The following MPP7 variants were observed in gnomAD, a reference collection of about 807,000 sequenced individuals.
The protein encoded by MPP7 is MAGUK p55 scaffold protein 7.
MPP7 carries 60 observed loss-of-function variants against 76.5 expected under a neutral mutation model. The observed-to-expected ratio is 0.78, with a 90% CI of 0.64 to 0.97. The LOEUF is 0.97. Among genes scored for constraint, MPP7 ranks in the 50% least tolerant of loss-of-function variants. The pLI, the probability that MPP7 is intolerant of heterozygous loss-of-function variation, is 0.00. For missense variants in MPP7, 641 were observed against 694.0 expected, an observed-to-expected ratio of 0.92 and a Z score of 0.86; for synonymous variants, 237 against 244.5, an observed-to-expected ratio of 0.97 and a Z score of 0.29.
intron 2 of MPP7, among the ~76,000 whole-genome samples, chr10:28,323,967 T>C (rs188767331): frequency 6.6e-6 from 1 of 151,578 alleles, no homozygotes; most frequent in East Asian, 1.9e-4. Context: ...ACAGAAAAAA[T>C]ATCTGCCTTC....
At chr10:28,184,570 G>A (rs564682586) in intron 3 of MPP7, among the ~76,000 whole-genome samples, 124 of 149,096 alleles carry the variant, frequency 8.3e-4, no homozygotes, top group Non-Finnish European at 1.5e-3. Flanking sequence ...TTATCTGGGC[G>A]TTGTAGGGGC....
chr10:28,163,907 C>T (rs1234174072), intron 3 of MPP7, among the ~76,000 whole-genome samples: 1 of 75,502 alleles, frequency 1.3e-5, no homozygotes, highest in Non-Finnish European at 2.4e-5. Context: ...CTCCAGAGCT[C>T]CATCTCAAAA....
At position 28,058,573 on chromosome 10, in the gene MPP7, G is replaced by T; in HGVS notation, c.1329C>A (p.Asn443Lys). 1 of 1,599,634 alleles carries T rather than the reference G, an allele frequency of 6.3e-7. No homozygotes were observed. Among genetic ancestry groups the T allele is most frequent in the Non-Finnish European group, 8.5e-7 (1 of 1,172,058 alleles). The change falls in exon 15 of 17, where the codon AAC becomes AAA. Residue 443 changes from asparagine (N) to lysine (K), a missense_variant. Physicochemically the swap from Asn to Lys is moderately conservative, Grantham distance 94. Coordinates refer to ENST00000683449, the MANE Select transcript of MPP7 (RefSeq NM_001318170.2). ...CTGAGTCTATACTTGTGCCGTAGTA[G>T]TTGTTTTTATATTCTCCATATTCAA... ...KFIEYGEYKN[N>K]YYGTSIDSVR...
At chr10:28,151,598 C>T (rs1835886246) in intron 3 of MPP7, among the ~76,000 whole-genome samples, 1 of 152,162 alleles carries the variant, frequency 6.6e-6, no homozygotes. Context: ...GCCTGTACTA[C>T]CCACCTAATA....
chr10:28,180,655 T>C (rs561454171), intron 3 of MPP7, among the ~76,000 whole-genome samples: 1 of 152,366 alleles, frequency 6.6e-6, no homozygotes, highest in South Asian at 2.1e-4. Context: ...CTTAGCAGCA[T>C]ATAACAACGA....
chr10:28,225,728 T>C (rs1838666595), intron 2 of MPP7, among the ~76,000 whole-genome samples: 1 of 152,232 alleles, frequency 6.6e-6, no homozygotes, highest in South Asian at 2.1e-4. Flanking sequence ...TGTAAAATGT[T>C]GCGGCATCCA....
chr10:28,128,150 G>A lies in MPP7; in HGVS notation c.448-3059C>T, dbSNP rs540879721. 2.0e-5 allele frequency among the ~76,000 whole-genome samples: 3 copies of A among 152,210 alleles called. No individual in the cohort carries two copies. The South Asian group carries it at 6.2e-4, about 32-fold the overall frequency. ...ACATGCAAGGTTGTGAACAGCAGGAGGGGCACAACCTAGGAGGACCACTCC... is the reference window on the plus strand; with the variant it reads ...ACATGCAAGGTTGTGAACAGCAGGAAGGGCACAACCTAGGAGGACCACTCC... On this transcript the variant is annotated intron_variant, in intron 6 of 16. Transcript: ENST00000683449.
At chr10:28,288,336 C>T (rs2133118830) in intron 1 of MPP7, among the ~76,000 whole-genome samples, 1 of 152,228 alleles carries the variant, frequency 6.6e-6, no homozygotes, top group Middle Eastern at 3.4e-3. Flanking sequence ...ACCTCCTGGG[C>T]TCAAGCAATC....
At chr10:28,302,532 G>C (rs1241516267) in intron 1 of MPP7, among the ~76,000 whole-genome samples, 1 of 152,180 alleles carries the variant, frequency 6.6e-6, no homozygotes, top group Non-Finnish European at 1.5e-5. Context: ...CAACTCCGCA[G>C]TTTTTCCTCC....
chr10:28,266,589 A>G (rs923514887), intron 1 of MPP7, among the ~76,000 whole-genome samples: 4 of 152,162 alleles, frequency 2.6e-5, no homozygotes, highest in Admixed American at 2.6e-4. Context: ...AAAAAAGAAA[A>G]AAAAGTGAAT....
intron 3 of MPP7, among the ~76,000 whole-genome samples, chr10:28,192,031 C>T (rs981384056): frequency 1.3e-5 from 2 of 151,432 alleles, no homozygotes; most frequent in Non-Finnish European, 2.9e-5. Flanking sequence ...AGCTGAGGCA[C>T]GAGAATCGCT....
chr10:28,074,736 T>C (rs1030775375), intron 12 of MPP7, among the ~76,000 whole-genome samples: 1 of 152,182 alleles, frequency 6.6e-6, no homozygotes, highest in Non-Finnish European at 1.5e-5. Context: ...CTTACCTTAA[T>C]ACAACAAGAA....
chr10:28,101,092 T>C (rs1564630753), intron 11 of MPP7, among the ~76,000 whole-genome samples: 2 of 152,120 alleles, frequency 1.3e-5, no homozygotes, highest in Non-Finnish European at 2.9e-5. Context: ...TCTGTGCAAC[T>C]TAAAATTCTC....
intron 8 of MPP7, among the ~76,000 whole-genome samples, chr10:28,121,064 T>TCTGTAA (rs1443870215): frequency 6.6e-6 from 1 of 152,068 alleles, no homozygotes; most frequent in African/African-American, 2.4e-5. Flanking sequence ...AATTCCAGTG[T>TCTGTAA]TTTGGGAGGC....
intron 11 of MPP7, among the ~76,000 whole-genome samples, chr10:28,111,654 A>G (rs987146917): frequency 6.6e-6 from 1 of 152,228 alleles, no homozygotes; most frequent in South Asian, 2.1e-4. Context: ...CCTGACAATT[A>G]TCAATGTTAT....
chr10:28,101,109 C>G (rs75945760), intron 11 of MPP7, among the ~76,000 whole-genome samples: 1,837 of 152,154 alleles, frequency 0.012, 52 homozygotes, highest in East Asian at 0.11. Flanking sequence ...TCTCCAAACA[C>G]AAATGGTTTC....
At chr10:28,247,772 G>A (rs1366558260) in intron 1 of MPP7, among the ~76,000 whole-genome samples, 1 of 152,168 alleles carries the variant, frequency 6.6e-6, no homozygotes, top group Non-Finnish European at 1.5e-5. Context: ...AATCTATTCT[G>A]TATTAGCCCT....
chr10:28,124,191 G>C lies in MPP7; in HGVS notation c.530-75C>G, dbSNP rs973257672. ...CTGTAATTTGCAGCTGTTTCCATAA[G>C]TAAAGCATTGTTAGGTTCCCTTAAT... On this transcript the variant is annotated intron_variant, in intron 7 of 16. Coordinates refer to ENST00000683449, the MANE Select transcript of MPP7 (RefSeq NM_001318170.2). 1.5e-5 allele frequency: 14 copies of C among 963,546 alleles called. No individual in the cohort carries two copies. In the Admixed American group the frequency reaches 2.4e-4, roughly 17 times the overall value. 59.7% of individuals were successfully genotyped at this position (963,546 alleles called of 1,614,324 possible).
rs529386160 is a variant in MPP7 at position 28,316,262 on chromosome 10, C to T, written c.-132+13667G>A. ...GACCAGCCTGGCCAACGTGGTGAAA[C>T]CCCATATCTACTAAAATTACAAAAA... On this transcript the variant is annotated intron_variant, in intron 2 of 11. Transcript: ENST00000441595. Among the ~76,000 whole-genome samples, 10 of 151,624 alleles carry T rather than the reference C, an allele frequency of 6.6e-5. No homozygotes were observed. The South Asian group carries it at 1.0e-3, about 16-fold the overall frequency.
Sources: gnomAD v4.1 joint callset for allele counts (sites outside exome capture counted in the v4.1 genomes callset) on GRCh38, gnomAD v4.1.1 for gene constraint, MANE v1.5 for transcripts, NCBI Gene and HGNC (gene_info 2026-07-23, HGNC 2026-07-21) for gene names.